The following TGFBR1 variants were observed in gnomAD, a reference collection of about 807,000 sequenced individuals.
The protein encoded by TGFBR1 is TGF-beta receptor type-1.
Under a neutral mutation model 55.1 loss-of-function variants are expected in TGFBR1, and 20 were observed. That is an observed-to-expected ratio of 0.36 (90% CI 0.26 to 0.53). TGFBR1 has a LOEUF of 0.53. Among genes scored for constraint, TGFBR1 ranks in the 20% least tolerant of loss-of-function variants. The probability of loss-of-function intolerance (pLI) is 0.91; values close to 1 mark genes in which losing one functional copy is unlikely to be tolerated. For synonymous variants in TGFBR1, 220 were observed against 214.8 expected (o/e 1.02, Z -0.21); for missense variants, 385 against 617.6 (o/e 0.62, Z 3.99).
chr9:99,153,737 G>T lies in TGFBR1; in HGVS notation c.*4432G>T, dbSNP rs1241885416. ...GCTGTAGATGGCAACTAGAACCTTTGAGTTACAAGAGTCTTTAGAAGTTTT... is the reference window on the plus strand; with the variant it reads ...GCTGTAGATGGCAACTAGAACCTTTTAGTTACAAGAGTCTTTAGAAGTTTT... On this transcript the variant is annotated 3_prime_UTR_variant, in exon 9 of 9. Transcript: ENST00000374994. 3 of 201,114 alleles carry T rather than the reference G, an allele frequency of 1.5e-5. No individual in the cohort carries two copies. Among genetic ancestry groups the T allele is most frequent in the Non-Finnish European group, 3.1e-5 (3 of 97,340 alleles). 12.5% of individuals were successfully genotyped at this position (201,114 alleles called of 1,614,324 possible).
Position 99,134,802 on chromosome 9 carries a change from TTATATATATATATATATA to T in TGFBR1, c.574+2097_574+2114del, listed in dbSNP as rs10625219. ...AAACAATGGAATAATTCTGTTTCCA[TTATATATATATATATATA>T]TATATATATATATATATATATATAT... On this transcript the variant is annotated intron_variant, in intron 3 of 8. Coordinates refer to ENST00000374994, the MANE Select transcript of TGFBR1 (RefSeq NM_004612.4). Among the ~76,000 whole-genome samples, 117 of 41,370 alleles carry T rather than the reference TTATATATATATATATATA, an allele frequency of 2.8e-3. 5 individuals are homozygous for T. The highest frequency in any genetic ancestry group is 0.032 in the Middle Eastern group (2 of 62). 27.1% of individuals were successfully genotyped at this position (41,370 alleles called of 152,430 possible).
At chr9:99,105,460 GGCTGCCGGGCGA>G (rs1427574549) in intron 1 of TGFBR1, among the ~76,000 whole-genome samples, 158 bp downstream of exon 1, 1 of 148,734 alleles carries the variant, frequency 6.7e-6, no homozygotes, top group Non-Finnish European at 1.5e-5. Flanking sequence ...GCGGCTCGGC[GGCTGCCGGGCGA>G]ACCGCAAGCG....
intron 4 of TGFBR1, 65 bp downstream of exon 4, chr9:99,138,154 G>A (rs1827501354): frequency 5.7e-6 from 8 of 1,403,902 alleles, no homozygotes; most frequent in East Asian, 2.3e-5. Context: ...TTACAGATAT[G>A]GTGACTAACC....
At chr9:99,134,655 C>A (rs1827363560) in intron 3 of TGFBR1, among the ~76,000 whole-genome samples, 1 of 151,522 alleles carries the variant, frequency 6.6e-6, no homozygotes, top group African/African-American at 2.4e-5. Context: ...AAAGACACAG[C>A]ACTCATGCCA....
intron 1 of TGFBR1, among the ~76,000 whole-genome samples, chr9:99,110,690 A>G (rs1297470419): frequency 1.3e-5 from 2 of 152,248 alleles, no homozygotes; most frequent in Non-Finnish European, 2.9e-5. Flanking sequence ...TGAGACTCAA[A>G]TGATTTTGTA....
At chr9:99,140,799 C>T (rs1827593653) in intron 4 of TGFBR1, among the ~76,000 whole-genome samples, 1 of 152,188 alleles carries the variant, frequency 6.6e-6, no homozygotes, top group South Asian at 2.1e-4. Flanking sequence ...AAAGCTTAAA[C>T]CTCACCCAGG....
rs1009361997 is a variant in TGFBR1, at chr9:99,152,007, C to A, written c.*2702C>A. ...AGGAGAAATGGGGATGGGGGAAATA[C>A]GACTTAGTGAGGCATAGACATCCCT... is the stretch of plus-strand genomic sequence containing the variant. On this transcript the variant is annotated 3_prime_UTR_variant, in exon 9 of 9. Transcript: ENST00000374994. 3.0e-5 allele frequency: 6 copies of A among 197,514 alleles called. No individual in the cohort carries two copies. The highest frequency in any genetic ancestry group is 1.2e-4 in the African/African-American group (5 of 43,364). 12.2% of individuals were successfully genotyped at this position (197,514 alleles called of 1,614,324 possible). A position where few individuals can be genotyped will look rare whatever the true frequency, so the allele number is the denominator to read the frequency against.
chr9:99,136,737 C>T (rs1017792068), intron 3 of TGFBR1, among the ~76,000 whole-genome samples: 1 of 151,722 alleles, frequency 6.6e-6, no homozygotes, highest in African/African-American at 2.4e-5. Context: ...AAAGATTTAA[C>T]GTTTGGATTT....
At chr9:99,122,276 G>A (rs563975428) in intron 1 of TGFBR1, among the ~76,000 whole-genome samples, 5 of 151,996 alleles carry the variant, frequency 3.3e-5, no homozygotes, top group Admixed American at 1.3e-4. Context: ...ACAAGGTTTC[G>A]GTGCTAATTT....
rs138721378 is a variant in TGFBR1 at position 99,153,870 on chromosome 9, T to C, written c.*4565T>C. 547 of 213,134 alleles carry C rather than the reference T, an allele frequency of 2.6e-3. 15 individuals carry two copies. The Admixed American group carries it at 0.027, about 11-fold the overall frequency. 13.2% of individuals were successfully genotyped at this position (213,134 alleles called of 1,614,324 possible). On this transcript the variant is annotated 3_prime_UTR_variant, in exon 9 of 9. Transcript: ENST00000374994. Reference sequence around the variant, plus strand: ...GGGCTTTTCTCCACATGCTTAGGGGTGTGGGTCTTCCATTGGGGCATGATG... The same window carrying C: ...GGGCTTTTCTCCACATGCTTAGGGGCGTGGGTCTTCCATTGGGGCATGATG...
intron 1 of TGFBR1, among the ~76,000 whole-genome samples, chr9:99,110,399 TA>T (rs1826533554): frequency 6.6e-6 from 1 of 152,206 alleles, no homozygotes; most frequent in African/African-American, 2.4e-5. Context: ...TTAGTTCTCA[TA>T]ACCAACCTTG....
intron 1 of TGFBR1, among the ~76,000 whole-genome samples, chr9:99,125,179 T>C (rs1202461229): frequency 2.0e-5 from 3 of 152,184 alleles, no homozygotes; most frequent in Non-Finnish European, 4.4e-5. Flanking sequence ...TTCTCATCAG[T>C]AATGTTATGC....
At chr9:99,148,120 T>G (rs1827860255) in intron 8 of TGFBR1, among the ~76,000 whole-genome samples, 1 of 152,168 alleles carries the variant, frequency 6.6e-6, no homozygotes, top group African/African-American at 2.4e-5. Context: ...AGCCCTGTAT[T>G]CTAGACCAGC....
At chr9:99,135,479 A>T (rs138604546) in intron 3 of TGFBR1, among the ~76,000 whole-genome samples, 2 of 152,310 alleles carry the variant, frequency 1.3e-5, no homozygotes, top group East Asian at 3.9e-4. Flanking sequence ...CCGTGACCAT[A>T]ATTAAGGAAA....
At chr9:99,136,600 T>A (rs1055037790) in intron 3 of TGFBR1, among the ~76,000 whole-genome samples, 4 of 152,192 alleles carry the variant, frequency 2.6e-5, no homozygotes, top group African/African-American at 9.7e-5. Context: ...ACTAGCAGCC[T>A]CCTTATAAAC....
chr9:99,105,907 G>C (rs1007003890), intron 1 of TGFBR1, among the ~76,000 whole-genome samples: 3 of 152,340 alleles, frequency 2.0e-5, no homozygotes, highest in African/African-American at 7.2e-5. Flanking sequence ...ACTCCCGCCC[G>C]GCTCGACCCG....
chr9:99,149,539 G>C lies in TGFBR1; in HGVS notation c.*234G>C, dbSNP rs1827918385. On this transcript the variant is annotated 3_prime_UTR_variant, in exon 9 of 9. Transcript: ENST00000374994. ...TCTTTCCCAGGACAGAAAATGTGTA[G>C]TCTACCTTTATTTTTTATTAACAAA... is the stretch of plus-strand genomic sequence containing the variant. The C allele has an allele frequency of 2.0e-6, 1 of 499,934 alleles. No individual in the cohort carries two copies. Among genetic ancestry groups the C allele is most frequent in the Admixed American group, 3.5e-5 (1 of 28,428 alleles). The allele number at this position is 499,934 out of a possible 1,614,324, so 31.0% of individuals were successfully genotyped here.
chr9:99,131,222 A>C (rs911065534), intron 2 of TGFBR1, among the ~76,000 whole-genome samples: 7 of 152,132 alleles, frequency 4.6e-5, no homozygotes, highest in African/African-American at 1.7e-4. Context: ...AAAAAAAAAA[A>C]CAGGTTCAGA....
chr9:99,152,694 C>T lies in TGFBR1; in HGVS notation c.*3389C>T, dbSNP rs1828012211. ...AATCGTAAGTCAACTGTTTCTTGAC[C>T]ATGGCAGTGTTCTGGCTCCAAATGG... is the stretch of plus-strand genomic sequence containing the variant. On this transcript the variant is annotated 3_prime_UTR_variant, in exon 9 of 9. Coordinates refer to ENST00000374994, the MANE Select transcript of TGFBR1 (RefSeq NM_004612.4). The T allele has an allele frequency of 4.4e-6, 1 of 226,248 alleles. No individual in the cohort carries two copies. The highest frequency in any genetic ancestry group is 8.8e-6 in the Non-Finnish European group (1 of 113,768). The allele number at this position is 226,248 out of a possible 1,614,324, so 14.0% of individuals were successfully genotyped here. A position where few individuals can be genotyped will look rare whatever the true frequency, so the allele number is the denominator to read the frequency against.
Sources: allele counts gnomAD v4.1 joint callset (sites outside exome capture counted in the v4.1 genomes callset), GRCh38; gene constraint gnomAD v4.1.1; transcripts MANE v1.5; gene names NCBI Gene and HGNC (gene_info 2026-07-23, HGNC 2026-07-21).